The following MYO1E variants were observed in gnomAD, a reference collection of about 807,000 sequenced individuals.
MYO1E encodes the protein myosin IE.
A neutral mutation model predicts 151.1 loss-of-function variants in MYO1E; 68 were observed. The ratio of observed to expected loss-of-function variants is 0.45; its 90% confidence interval spans 0.37 to 0.55. MYO1E has a LOEUF of 0.55. MYO1E is among the 20% of genes least tolerant of loss of function. The pLI is 0.00. For synonymous variants in MYO1E, 601 were observed against 501.7 expected, an observed-to-expected ratio of 1.20 and a Z score of -2.64; for missense variants, 1,363 against 1,389.3, an observed-to-expected ratio of 0.98 and a Z score of 0.30.
chr15:59,362,879 A>AC, intron 1 of MYO1E, among the ~76,000 whole-genome samples: 1 of 152,216 alleles, frequency 6.6e-6, no homozygotes, highest in South Asian at 2.1e-4. Context: ...TAATGTATTT[A>AC]AGAATTAAAC....
At chr15:59,233,260 C>G (rs952330841) in intron 5 of MYO1E, among the ~76,000 whole-genome samples, 18 of 152,124 alleles carry the variant, frequency 1.2e-4, no homozygotes, top group African/African-American at 4.3e-4. Flanking sequence ...ATCCATTCAT[C>G]CATCCATCCG....
At chr15:59,278,200 T>C (rs558050908) in intron 1 of MYO1E, among the ~76,000 whole-genome samples, 2 of 152,310 alleles carry the variant, frequency 1.3e-5, no homozygotes, top group Admixed American at 1.3e-4. Context: ...GCCATTTAGT[T>C]GGCCCATGAG....
At chr15:59,200,163 AC>A in intron 16 of MYO1E, among the ~76,000 whole-genome samples, 1 of 152,110 alleles carries the variant, frequency 6.6e-6, no homozygotes, top group Non-Finnish European at 1.5e-5. Context: ...AAGTGTCCCT[AC>A]CCTTGCTCTC....
At chr15:59,174,369 T>C in intron 19 of MYO1E, 129 bp from the exon 20 acceptor site, 1 of 725,328 alleles carries the variant, frequency 1.4e-6, no homozygotes, top group Non-Finnish European at 2.5e-6. Flanking sequence ...CTCTGATTCA[T>C]GAACGAATAT....
intron 26 of MYO1E, among the ~76,000 whole-genome samples, chr15:59,140,888 C>G (rs1471672160): frequency 6.6e-6 from 1 of 152,158 alleles, no homozygotes; most frequent in African/African-American, 2.4e-5. Context: ...ACCACCACCA[C>G]CCCCCTGCAC....
intron 13 of MYO1E, among the ~76,000 whole-genome samples, chr15:59,209,496 T>C (rs2079863399): frequency 1.3e-5 from 2 of 151,688 alleles, no homozygotes; most frequent in South Asian, 2.1e-4. Context: ...GCCAACATGG[T>C]GAAACCCCCT....
intron 1 of MYO1E, among the ~76,000 whole-genome samples, chr15:59,319,439 T>C (rs1261636226): frequency 1.3e-5 from 2 of 151,916 alleles, no homozygotes; most frequent in Non-Finnish European, 2.9e-5. Context: ...GCCCTGACAT[T>C]TCTAGTAAGT....
At chr15:59,304,266 A>T (rs746663179) in intron 1 of MYO1E, among the ~76,000 whole-genome samples, 19 of 152,148 alleles carry the variant, frequency 1.2e-4, no homozygotes, top group Non-Finnish European at 2.5e-4. Flanking sequence ...TACAGGCGTG[A>T]GCCACTGCGG....
At chr15:59,194,312 G>C (rs531819621) in intron 17 of MYO1E, among the ~76,000 whole-genome samples, 5 of 152,316 alleles carry the variant, frequency 3.3e-5, no homozygotes, top group African/African-American at 1.2e-4. Flanking sequence ...ACTGCATGCC[G>C]AAGTATTCAA....
At chr15:59,314,033 CA>C (rs1190666168) in intron 1 of MYO1E, among the ~76,000 whole-genome samples, 1 of 152,228 alleles carries the variant, frequency 6.6e-6, no homozygotes, top group African/African-American at 2.4e-5. Context: ...TTCATGCTTT[CA>C]GGCCTGGGCT....
intron 1 of MYO1E, among the ~76,000 whole-genome samples, chr15:59,352,440 T>G (rs2080828356): frequency 6.6e-6 from 1 of 152,144 alleles, no homozygotes; most frequent in Non-Finnish European, 1.5e-5. Context: ...TCTGCATTTC[T>G]AATAATATCC....
At chr15:59,145,689 G>C (rs1185828083) in intron 26 of MYO1E, among the ~76,000 whole-genome samples, 2 of 152,200 alleles carry the variant, frequency 1.3e-5, no homozygotes, top group African/African-American at 4.8e-5. Context: ...ACTGTGCCCA[G>C]CCTACTTATT....
At chr15:59,245,720 A>G (rs1258037360) in intron 4 of MYO1E, among the ~76,000 whole-genome samples, 1 of 152,238 alleles carries the variant, frequency 6.6e-6, no homozygotes, top group African/African-American at 2.4e-5. Context: ...CAAAAGTGAT[A>G]AGAATTCACT....
intron 1 of MYO1E, among the ~76,000 whole-genome samples, chr15:59,362,847 C>T (rs1419204374): frequency 1.3e-5 from 2 of 152,080 alleles, no homozygotes; most frequent in African/African-American, 4.8e-5. Flanking sequence ...ATGTGATATT[C>T]TAATTTTGTT....
chr15:59,195,577 A>C lies in MYO1E; in HGVS notation c.1699-10T>G, dbSNP rs1449127480. 6 of 1,602,722 alleles carry C rather than the reference A, an allele frequency of 3.7e-6. No homozygotes were observed. On this transcript the variant is annotated splice_polypyrimidine_tract_variant and intron_variant, in intron 16 of 27. Coordinates refer to ENST00000288235, the MANE Select transcript of MYO1E (RefSeq NM_004998.4). ...GGTCATTGGCTTGTTTCTAGAAAGG[A>C]AGAACAGTATCAGAATCATGGAACT...
intron 18 of MYO1E, among the ~76,000 whole-genome samples, chr15:59,179,495 T>C (rs111942448): frequency 1.3e-5 from 2 of 152,162 alleles, no homozygotes. Context: ...TCCTGGCTAA[T>C]GCGGATGGGT....
chr15:59,221,802 G>A (rs912146694), intron 9 of MYO1E, among the ~76,000 whole-genome samples: 1 of 152,124 alleles, frequency 6.6e-6, no homozygotes, highest in Non-Finnish European at 1.5e-5. Flanking sequence ...TCAGTGTCAT[G>A]ATTTTGTTTT....
At chr15:59,281,160 T>C (rs1230124317) in intron 1 of MYO1E, among the ~76,000 whole-genome samples, 1 of 152,234 alleles carries the variant, frequency 6.6e-6, no homozygotes, top group African/African-American at 2.4e-5. Flanking sequence ...GTTCTTTCAA[T>C]ATTAACACCA....
chr15:59,183,606 C>T (rs527548731), intron 18 of MYO1E, among the ~76,000 whole-genome samples: 7 of 152,220 alleles, frequency 4.6e-5, no homozygotes, highest in African/African-American at 9.6e-5. Flanking sequence ...TTGATACAGG[C>T]ATGCAATGTG....
Sources: allele counts gnomAD v4.1 joint callset (sites outside exome capture counted in the v4.1 genomes callset), GRCh38; gene constraint gnomAD v4.1.1; transcripts MANE v1.5; gene names NCBI Gene and HGNC (gene_info 2026-07-23, HGNC 2026-07-21).